FAM114A2: variants seen among roughly 807,000 people sequenced by gnomAD.
The protein encoded by FAM114A2 is family with sequence similarity 114 member A2.
A neutral mutation model predicts 58.4 loss-of-function variants in FAM114A2; 53 were observed. The observed-to-expected ratio is 0.91, with a 90% CI of 0.73 to 1.14. FAM114A2 has a LOEUF of 1.14. Ranked by LOEUF, FAM114A2 falls within the 50% of genes most tolerant of loss-of-function variation. FAM114A2 has a pLI of 0.00. For synonymous variants in FAM114A2, 228 were observed against 211.4 expected, an observed-to-expected ratio of 1.08 and a Z score of -0.68; for missense variants, 601 against 581.1, an observed-to-expected ratio of 1.03 and a Z score of -0.35.
rs745726821 is a variant in FAM114A2, at chr5:154,011,195, T to C, written c.993+46A>G. On this transcript the variant is annotated intron_variant, in intron 9 of 13. Coordinates refer to ENST00000351797, the MANE Select transcript of FAM114A2 (RefSeq NM_018691.4). ...AATCTTATGCTCTTTATCCACTACA[T>C]TTTTACAAGTAAAATAATGAAAATC... 1.0e-5 allele frequency: 14 copies of C among 1,404,954 alleles called. No homozygotes were observed. The Admixed American group carries it at 1.4e-4, about 14-fold the overall frequency. The allele number at this position is 1,404,954 out of a possible 1,614,324, so 87.0% of individuals were successfully genotyped here. A position where few individuals can be genotyped will look rare whatever the true frequency, so the allele number is the denominator to read the frequency against.
Position 154,029,013 on chromosome 5 carries a change from TA to T in FAM114A2, c.495+475del, listed in dbSNP as rs376568933. Among the ~76,000 whole-genome samples, 3 of 152,076 alleles carry T rather than the reference TA, an allele frequency of 2.0e-5. No homozygotes were observed. The Middle Eastern group carries it at 0.01, about 517-fold the overall frequency. On this transcript the variant is annotated intron_variant, in intron 5 of 13. Coordinates refer to ENST00000351797, the MANE Select transcript of FAM114A2 (RefSeq NM_018691.4). ...TATATTTCAATAAAAAGTTAAAATT[TA>T]AAAAAAACTAGCTATCTATCCTCAT...
At chr5:153,996,515 T>A (rs942651511) in intron 12 of FAM114A2, among the ~76,000 whole-genome samples, 1 of 151,056 alleles carries the variant, frequency 6.6e-6, no homozygotes, top group Non-Finnish European at 1.5e-5. Flanking sequence ...ACTCATGGAC[T>A]TGGAGAAATA....
intron 9 of FAM114A2, among the ~76,000 whole-genome samples, chr5:154,007,425 T>C (rs1248811471): frequency 6.6e-6 from 1 of 152,008 alleles, no homozygotes; most frequent in Non-Finnish European, 1.5e-5. Flanking sequence ...AGAATCATAT[T>C]CCCGGACTCC....
chr5:153,991,860 A>AT lies in FAM114A2; in HGVS notation c.*1115dup, dbSNP rs1375275813. Reference sequence around the variant, plus strand: ...CATTAAAAAACCACAAAGTTGGAGAATTTTTTTAAAAAGAGTGGATACCAA... The same window carrying AT: ...CATTAAAAAACCACAAAGTTGGAGAATTTTTTTTAAAAAGAGTGGATACCAA... On this transcript the variant is annotated 3_prime_UTR_variant, in exon 14 of 14. Transcript: ENST00000351797. 2 of 152,152 alleles carry AT rather than the reference A, an allele frequency of 1.3e-5. No individual in the cohort carries two copies. Among genetic ancestry groups the AT allele is most frequent in the Non-Finnish European group, 2.9e-5 (2 of 68,026 alleles). The allele number at this position is 152,152 out of a possible 1,614,324, so 9.4% of individuals were successfully genotyped here. A position where few individuals can be genotyped will look rare whatever the true frequency, so the allele number is the denominator to read the frequency against.
chr5:153,997,228 A>G (rs1457993863), intron 12 of FAM114A2, among the ~76,000 whole-genome samples: 1 of 152,194 alleles, frequency 6.6e-6, no homozygotes, highest in Non-Finnish European at 1.5e-5. Flanking sequence ...CATATCACCC[A>G]TATGACCCAG....
In FAM114A2 at chr5:154,027,296, G is replaced by T; in HGVS notation, c.669C>A (p.Thr223=). ...CTGTTTCCACGGTAACCTCATTGGA[G>T]GTCCGTATCTCTTCTTTCTCCTTCG... ...REAKEKEEIR[T]SNEVTVETDK... Residue 223 remains threonine, a synonymous_variant, in exon 7 of 14, where the codon ACC becomes ACA. Coordinates refer to ENST00000351797, the MANE Select transcript of FAM114A2 (RefSeq NM_018691.4). The T allele has an allele frequency of 6.2e-7, 1 of 1,613,064 alleles. No homozygotes were observed. Among genetic ancestry groups the T allele is most frequent in the Admixed American group, 1.7e-5 (1 of 59,820 alleles).
Position 154,034,286 on chromosome 5 carries a change from G to A in FAM114A2, c.302C>T (p.Ala101Val). Residue 101 changes from alanine (A) to valine (V), a missense_variant, in exon 3 of 14, where the codon GCT (alanine) becomes GTT (valine). Coordinates refer to ENST00000351797, the MANE Select transcript of FAM114A2 (RefSeq NM_018691.4). ...SILSSASATVATVGQGISNVI... is the reference protein window; with the variant it reads ...SILSSASATVVTVGQGISNVI... Reference sequence around the variant, plus strand: ...ATGACTGATGATCTTACCTACTGTAGCTACTGTAGCCGAGGCTGAGGAGAG... The same window carrying A: ...ATGACTGATGATCTTACCTACTGTAACTACTGTAGCCGAGGCTGAGGAGAG... 6.3e-7 allele frequency: 1 copy of A among 1,576,016 alleles called. No homozygotes were observed. The highest frequency in any genetic ancestry group is 8.6e-7 in the Non-Finnish European group (1 of 1,158,890).
At chr5:154,007,429 G>A (rs1046955993) in intron 9 of FAM114A2, among the ~76,000 whole-genome samples, 5 of 151,964 alleles carry the variant, frequency 3.3e-5, no homozygotes, top group Admixed American at 6.5e-5. Context: ...TCATATTCCC[G>A]GACTCCTAAT....
chr5:153,994,678 G>A, intron 13 of FAM114A2: 1 of 415,198 alleles, frequency 2.4e-6, no homozygotes, highest in Non-Finnish European at 4.4e-6. Context: ...AGCTGTCAAG[G>A]ATTAGTACTA....
chr5:154,037,735 A>T (rs1158955906), intron 1 of FAM114A2, among the ~76,000 whole-genome samples: 2 of 152,172 alleles, frequency 1.3e-5, no homozygotes, highest in Non-Finnish European at 1.5e-5. Flanking sequence ...TTTTAAAGAC[A>T]GGGTCTCGCT....
intron 8 of FAM114A2, among the ~76,000 whole-genome samples, chr5:154,016,719 TA>T (rs545213712): frequency 7.1e-4 from 99 of 138,826 alleles, no homozygotes; most frequent in African/African-American, 1.3e-3. Flanking sequence ...AAAATACAAT[TA>T]AAAAAAAAAA....
chr5:153,994,878 G>A lies in FAM114A2; in HGVS notation c.1383+41C>T, dbSNP rs370317083. The A allele has an allele frequency of 1.1e-4, 143 of 1,311,640 alleles. 1 individual carries two copies. Among genetic ancestry groups the A allele is most frequent in the African/African-American group, 3.3e-4 (23 of 68,938 alleles). The allele number at this position is 1,311,640 out of a possible 1,614,324, so 81.3% of individuals were successfully genotyped here. ...AAGGCTTCAGAAGAGTTAATTATACGTAATACCTTTGGAGTCAGAGACTTA... is the reference window on the plus strand; with the variant it reads ...AAGGCTTCAGAAGAGTTAATTATACATAATACCTTTGGAGTCAGAGACTTA... On this transcript the variant is annotated intron_variant, in intron 13 of 13. Coordinates refer to ENST00000351797, the MANE Select transcript of FAM114A2 (RefSeq NM_018691.4).
At chr5:154,016,771 G>A (rs1771067737) in intron 8 of FAM114A2, among the ~76,000 whole-genome samples, 1 of 151,590 alleles carries the variant, frequency 6.6e-6, no homozygotes, top group African/African-American at 2.4e-5. Flanking sequence ...ATGGAATGGT[G>A]CCTCACATCT....
chr5:154,023,706 C>T (rs893895102), intron 8 of FAM114A2, among the ~76,000 whole-genome samples: 1 of 151,702 alleles, frequency 6.6e-6, no homozygotes, highest in Non-Finnish European at 1.5e-5. Flanking sequence ...GATAGGTGCA[C>T]CAAATTCTCA....
chr5:154,034,488 C>A, intron 2 of FAM114A2, 111 bp from the exon 3 acceptor site: 1 of 671,576 alleles, frequency 1.5e-6, no homozygotes. Flanking sequence ...CATGGGTGAA[C>A]AAATACATAT....
chr5:154,017,881 C>A (rs1395501790), intron 8 of FAM114A2, among the ~76,000 whole-genome samples: 6 of 152,098 alleles, frequency 3.9e-5, no homozygotes, highest in Admixed American at 3.9e-4. Flanking sequence ...AACTGAATGA[C>A]AATAGCGATA....
intron 9 of FAM114A2, among the ~76,000 whole-genome samples, chr5:154,010,364 T>C (rs904371173): frequency 5.9e-5 from 9 of 152,100 alleles, no homozygotes; most frequent in Non-Finnish European, 1.2e-4. Context: ...ACAGTAGAGG[T>C]GAGGGAGATG....
Position 154,028,235 on chromosome 5 carries a change from T to G in FAM114A2, c.544A>C (p.Lys182Gln). Residue 182 changes from lysine (K) to glutamine (Q), a missense_variant, in exon 6 of 14, where the codon AAA becomes CAA. Transcript: ENST00000351797. Reference protein sequence around the residue: ...GGLDALEFIGKKTMDVIAEGD... With the variant: ...GGLDALEFIGQKTMDVIAEGD... ...TCTGCTATCACATCCATTGTCTTTT[T>G]TCCAATGAATTCTAAGGCATCCAAA... 2 of 1,610,636 alleles carry G rather than the reference T, an allele frequency of 1.2e-6. No individual in the cohort carries two copies. The highest frequency in any genetic ancestry group is 1.7e-6 in the Non-Finnish European group (2 of 1,177,018).
Position 154,002,274 on chromosome 5 carries a change from T to C in FAM114A2, c.1233A>G (p.Ile411Met). The C allele has an allele frequency of 6.2e-7, 1 of 1,614,016 alleles. No homozygotes were observed. Among genetic ancestry groups the C allele is most frequent in the Admixed American group, 1.7e-5 (1 of 60,026 alleles). The stretch of plus-strand genomic sequence containing the variant: ...ACTGGGAAAGAGTTTGGCTCCTTTC[T>C]ATGGCTGTCACTTCCTGCTTCCTGC... ...LHGRKQEVTAIERSQTLSQMT... is the reference protein window; with the variant it reads ...LHGRKQEVTAMERSQTLSQMT... The change falls in exon 11 of 14, where the codon ATA becomes ATG. Residue 411 changes from isoleucine to methionine, a missense_variant. Coordinates refer to ENST00000351797, the MANE Select transcript of FAM114A2 (RefSeq NM_018691.4).
Sources: allele counts gnomAD v4.1 joint callset (sites outside exome capture counted in the v4.1 genomes callset), GRCh38; gene constraint gnomAD v4.1.1; transcripts MANE v1.5; gene names NCBI Gene and HGNC (gene_info 2026-07-23, HGNC 2026-07-21).